The following FMN1 variants were observed in gnomAD, a reference collection of about 807,000 sequenced individuals.
FMN1 encodes the protein formin-1.
FMN1 carries 110 observed loss-of-function variants against 132.4 expected under a neutral mutation model. The ratio of observed to expected loss-of-function variants is 0.83; its 90% confidence interval spans 0.71 to 0.97. The LOEUF is 0.97. FMN1 is among the 50% of genes least tolerant of loss of function. The pLI, the probability that FMN1 is intolerant of heterozygous loss-of-function variation, is 0.00. For synonymous variants in FMN1, 722 were observed against 651.7 expected (o/e 1.11, Z -1.64); for missense variants, 1,792 against 1,705.3 (o/e 1.05, Z -0.90).
intron 6 of FMN1, among the ~76,000 whole-genome samples, chr15:33,035,143 C>T (rs916023180): frequency 1.3e-5 from 2 of 152,076 alleles, no homozygotes; most frequent in African/African-American, 4.8e-5. Context: ...ATATGTACTC[C>T]TTTATTATCA....
intron 17 of FMN1, among the ~76,000 whole-genome samples, chr15:32,828,964 C>T (rs1596027454): frequency 3.3e-5 from 5 of 152,148 alleles, no homozygotes; most frequent in Admixed American, 3.3e-4. Flanking sequence ...CTGCTGGCAC[C>T]TATGTATATT....
intron 4 of FMN1, among the ~76,000 whole-genome samples, chr15:33,128,643 C>T (rs907862928): frequency 1.3e-5 from 2 of 152,182 alleles, no homozygotes; most frequent in African/African-American, 2.4e-5. Context: ...CTCTTAAAGA[C>T]GGTGCGTCCG....
At chr15:32,863,052 A>C (rs1275643988) in intron 16 of FMN1, among the ~76,000 whole-genome samples, 1 of 152,210 alleles carries the variant, frequency 6.6e-6, no homozygotes, top group Non-Finnish European at 1.5e-5. Context: ...CTTGTATTAT[A>C]TCAATGGGGC....
intron 6 of FMN1, among the ~76,000 whole-genome samples, chr15:33,015,562 G>A: frequency 6.6e-6 from 1 of 152,152 alleles, no homozygotes; most frequent in South Asian, 2.1e-4. Context: ...GTACAGTTAG[G>A]AAGTAGAAAC....
In FMN1 at chr15:33,001,964, T is replaced by C. The variant is rs911439975; in HGVS notation, c.2223+6050A>G. ...ATAATCAACTGTCCAATCCAAATAT[T>C]TTAGGTGATAGGGCTTGCATTTTGC... On this transcript the variant is annotated intron_variant, in intron 7 of 20. Transcript: ENST00000616417. Among the ~76,000 whole-genome samples, 2 of 152,160 alleles carry C rather than the reference T, an allele frequency of 1.3e-5. 1 individual carries two copies. The highest frequency in any genetic ancestry group is 3.9e-4 in the East Asian group (2 of 5,154).
At chr15:33,114,683 T>C (rs1467598397) in intron 4 of FMN1, among the ~76,000 whole-genome samples, 1 of 152,170 alleles carries the variant, frequency 6.6e-6, no homozygotes, top group African/African-American at 2.4e-5. Context: ...GGGTAAATAG[T>C]CACAACTGCT....
In FMN1 at chr15:33,180,317, GGT is replaced by G. The variant is rs1965652150; in HGVS notation, c.-196-57_-196-56del. On this transcript the variant is annotated intron_variant, in intron 2 of 20. Transcript: ENST00000616417. Reference sequence around the variant, plus strand: ...CTCACCTGAAGTAATTTGCACATTAGGTGTGTATGTGTTACTGTGTTTCTTAT... The same window carrying G: ...CTCACCTGAAGTAATTTGCACATTAGGTGTATGTGTTACTGTGTTTCTTAT... 5.9e-5 allele frequency: 9 copies of G among 152,102 alleles called. No homozygotes were observed. In the South Asian group the frequency reaches 1.7e-3, roughly 28 times the overall value. The allele number at this position is 152,102 out of a possible 1,614,324, so 9.4% of individuals were successfully genotyped here.
At chr15:32,907,966 CATAG>C (rs1022856302) in intron 12 of FMN1, among the ~76,000 whole-genome samples, 89 of 152,110 alleles carry the variant, frequency 5.9e-4, no homozygotes, top group African/African-American at 2.0e-3. Flanking sequence ...AGCAAGCAGC[CATAG>C]ATAGTGACTG....
chr15:33,020,582 G>A (rs1244236140), intron 6 of FMN1, among the ~76,000 whole-genome samples: 1 of 151,328 alleles, frequency 6.6e-6, no homozygotes, highest in East Asian at 2.0e-4. Flanking sequence ...AGGAGGTGGA[G>A]AGTTGAGGTC....
rs1008693106 is a variant in FMN1, at chr15:33,093,138, T to C, written c.1868-4164A>G. Among the ~76,000 whole-genome samples, 5 of 152,160 alleles carry C rather than the reference T, an allele frequency of 3.3e-5. No homozygotes were observed. The East Asian group carries it at 7.7e-4, about 23-fold the overall frequency. The stretch of plus-strand genomic sequence containing the variant: ...TAAGCTGTTTCCTCTAATTCTCCCA[T>C]CATACCAAGCCCTCACTTGACAGCA... On this transcript the variant is annotated intron_variant, in intron 4 of 20. Transcript: ENST00000616417.
chr15:33,169,948 G>A (rs970296547), intron 3 of FMN1, among the ~76,000 whole-genome samples: 1 of 151,868 alleles, frequency 6.6e-6, no homozygotes. Flanking sequence ...AGATTAAGAG[G>A]TCAGGATTAC....
At chr15:33,067,692 C>G (rs144513408) in intron 5 of FMN1, 2 of 1,613,878 alleles carry the variant, frequency 1.2e-6, no homozygotes, top group Non-Finnish European at 1.7e-6. Context: ...GTGGGATTCA[C>G]GTCTAAACTA....
At chr15:33,087,765 A>G (rs1375859322) in intron 5 of FMN1, among the ~76,000 whole-genome samples, 4 of 152,060 alleles carry the variant, frequency 2.6e-5, no homozygotes, top group Admixed American at 2.6e-4. Flanking sequence ...ATCAATCACA[A>G]TGAGTGGATA....
At chr15:32,848,977 G>GTTTT (rs71113479) in intron 17 of FMN1, among the ~76,000 whole-genome samples, 10,509 of 89,384 alleles carry the variant, frequency 0.12, 1,640 homozygotes, top group East Asian at 0.25. Flanking sequence ...GTTCTCTTTT[G>GTTTT]TTTTTTTTTT....
intron 9 of FMN1, among the ~76,000 whole-genome samples, chr15:32,941,422 G>C (rs1479478024): frequency 1.3e-5 from 2 of 152,130 alleles, no homozygotes; most frequent in African/African-American, 4.8e-5. Context: ...TGTAAGTATA[G>C]ACCTTACTTT....
Position 33,153,663 on chromosome 15 carries a change from T to C in FMN1, c.1252A>G (p.Asn418Asp). 6.5e-7 allele frequency: 1 copy of C among 1,536,354 alleles called. No homozygotes were observed. The highest frequency in any genetic ancestry group is 2.4e-5 in the East Asian group (1 of 40,894). The change falls in exon 4 of 21, where the codon AAC becomes GAC. Residue 418 changes from asparagine (N) to aspartate (D), a missense_variant. Around this residue, in one of 3 missense-constraint regions of FMN1, gnomAD observed 638 missense variants for 645.2 expected, o/e 0.99. Coordinates refer to ENST00000616417, the MANE Select transcript of FMN1 (RefSeq NM_001277313.2). The part of the protein sequence containing the change: ...SVSASAEGAV[N>D]KVPLKVIESE... ...TCTATCACCTTCAGGGGGACCTTGTTCACGGCCCCCTCGGCACTGGCCGAC... is the reference window on the plus strand; with the variant it reads ...TCTATCACCTTCAGGGGGACCTTGTCCACGGCCCCCTCGGCACTGGCCGAC...
chr15:33,123,845 A>C (rs1962794915), intron 4 of FMN1, among the ~76,000 whole-genome samples: 1 of 152,240 alleles, frequency 6.6e-6, no homozygotes, highest in Admixed American at 6.5e-5. Flanking sequence ...GAATTTGTTC[A>C]TATAACCAAA....
chr15:33,016,638 G>C (rs2035062473), intron 6 of FMN1, among the ~76,000 whole-genome samples: 1 of 152,210 alleles, frequency 6.6e-6, no homozygotes, highest in African/African-American at 2.4e-5. Flanking sequence ...GCTGTTACCT[G>C]TAATGTTGAT....
intron 6 of FMN1, among the ~76,000 whole-genome samples, chr15:33,049,305 A>C (rs1013990666): frequency 6.6e-6 from 1 of 152,192 alleles, no homozygotes; most frequent in South Asian, 2.1e-4. Flanking sequence ...ACAAAAATGA[A>C]GTCACTTGTG....
Sources: allele counts gnomAD v4.1 joint callset (sites outside exome capture counted in the v4.1 genomes callset), GRCh38; gene constraint gnomAD v4.1.1; regional missense constraint gnomAD v4.1.1; transcripts MANE v1.5; gene names NCBI Gene and HGNC (gene_info 2026-07-23, HGNC 2026-07-21).